TPRG1: variants seen among roughly 807,000 people sequenced by gnomAD.
TPRG1 encodes tumor protein p63-regulated gene 1 protein.
In TPRG1, 29 loss-of-function variants were observed where a neutral mutation model predicts 29.3. The ratio of observed to expected loss-of-function variants is 0.99; its 90% CI spans 0.74 to 1.35. The LOEUF is 1.35. Ranked by LOEUF, TPRG1 falls within the 40% of genes most tolerant of loss-of-function variation. The probability of loss-of-function intolerance (pLI) is 0.00; values close to 1 mark genes in which losing one functional copy is unlikely to be tolerated. For synonymous variants in TPRG1, 130 were observed against 116.8 expected (o/e 1.11, Z -0.73); for missense variants, 327 against 335.0 (o/e 0.98, Z 0.19).
chr3:189,201,736 G>T lies in TPRG1; in HGVS notation c.-9-5640G>T, dbSNP rs561189120. On this transcript the variant is annotated intron_variant, in intron 1 of 5. Coordinates refer to ENST00000345063, the MANE Select transcript of TPRG1 (RefSeq NM_198485.4). ...GTGATCTCAGCTCACTGCAACCTCC[G>T]CCTCCCAGGTTCAAGCAATTCTCCT... 2.6e-5 allele frequency among the ~76,000 whole-genome samples: 4 copies of T among 151,852 alleles called. No individual in the cohort carries two copies. In the East Asian group the frequency reaches 7.7e-4, roughly 29 times the overall value.
chr3:189,181,413 G>T (rs1286556578), intron 1 of TPRG1, among the ~76,000 whole-genome samples: 1 of 152,162 alleles, frequency 6.6e-6, no homozygotes, highest in East Asian at 1.9e-4. Flanking sequence ...CAGCACCCAA[G>T]TCACCTCTTG....
chr3:189,286,461 C>T lies in TPRG1; in HGVS notation c.480-23925C>T, dbSNP rs1180606222. Among the ~76,000 whole-genome samples the T allele has an allele frequency of 4.6e-5, 7 of 152,198 alleles. No homozygotes were observed. The South Asian group carries it at 1.2e-3, about 27-fold the overall frequency. ...ATGCCAATCCAGAGTAGGAGCTCAA[C>T]AAATAGTTGTTGAAGGCAATTAAGT... On this transcript the variant is annotated intron_variant, in intron 4 of 5. Transcript: ENST00000345063.
intron 4 of TPRG1, among the ~76,000 whole-genome samples, chr3:189,247,121 TC>T (rs1450539132): frequency 3.3e-4 from 50 of 152,208 alleles, no homozygotes; most frequent in African/African-American, 1.1e-3. Flanking sequence ...TCTGATACTG[TC>T]CCACAAGTCT....
chr3:189,282,115 A>C (rs1717242744), intron 4 of TPRG1, among the ~76,000 whole-genome samples: 1 of 148,758 alleles, frequency 6.7e-6, no homozygotes, highest in Non-Finnish European at 1.5e-5. Context: ...TCATGAGCTC[A>C]GGCAATCCGC....
intron 3 of TPRG1, among the ~76,000 whole-genome samples, chr3:189,221,989 C>T (rs981944023): frequency 7.9e-5 from 12 of 151,956 alleles, no homozygotes; most frequent in African/African-American, 2.9e-4. Context: ...TTTTCATCTC[C>T]CAATACAGTG....
At chr3:189,039,968 C>T (rs2090308485) in intron 4 of TPRG1, among the ~76,000 whole-genome samples, 1 of 151,952 alleles carries the variant, frequency 6.6e-6, no homozygotes, top group African/African-American at 2.4e-5. Context: ...TATATGTAAA[C>T]CTCAAGAATC....
intron 4 of TPRG1, among the ~76,000 whole-genome samples, chr3:189,308,710 C>T (rs1721998332): frequency 6.6e-6 from 1 of 152,184 alleles, no homozygotes; most frequent in Non-Finnish European, 1.5e-5. Flanking sequence ...ATAATGTGTA[C>T]TTATTAGGCA....
At chr3:189,137,036 T>C (rs1723835521) in intron 3 of TPRG1, among the ~76,000 whole-genome samples, 1 of 152,160 alleles carries the variant, frequency 6.6e-6, no homozygotes, top group African/African-American at 2.4e-5. Context: ...ATATTTTTCT[T>C]ATTTTAGAGA....
At chr3:189,073,325 T>C (rs891394081) in intron 4 of TPRG1, among the ~76,000 whole-genome samples, 1 of 152,232 alleles carries the variant, frequency 6.6e-6, no homozygotes, top group Non-Finnish European at 1.5e-5. Flanking sequence ...ATTTGCTCTT[T>C]TGTTCGGTCC....
intron 4 of TPRG1, among the ~76,000 whole-genome samples, chr3:189,064,401 A>T (rs1350251959): frequency 6.6e-6 from 1 of 152,170 alleles, no homozygotes; most frequent in Non-Finnish European, 1.5e-5. Context: ...GCAACTCAGG[A>T]CAACTGGGTT....
chr3:189,163,125 T>G (rs894322334), intron 5 of TPRG1, among the ~76,000 whole-genome samples: 1 of 151,964 alleles, frequency 6.6e-6, no homozygotes, highest in African/African-American at 2.4e-5. Context: ...TACAAAAAAT[T>G]AGCTGGGCAC....
intron 1 of TPRG1, among the ~76,000 whole-genome samples, chr3:189,117,226 A>G (rs1025170468): frequency 5.9e-5 from 9 of 152,206 alleles, no homozygotes; most frequent in Non-Finnish European, 1.0e-4. Flanking sequence ...GTAAGCATAT[A>G]TAAGGTGGCA....
At chr3:189,186,811 G>T (rs1382769534) in intron 1 of TPRG1, among the ~76,000 whole-genome samples, 2 of 151,728 alleles carry the variant, frequency 1.3e-5, no homozygotes, top group Non-Finnish European at 2.9e-5. Flanking sequence ...ACTTGAACCT[G>T]GATTTCCTGA....
At chr3:189,144,360 G>C (rs1724967767) in intron 3 of TPRG1, among the ~76,000 whole-genome samples, 1 of 152,124 alleles carries the variant, frequency 6.6e-6, no homozygotes, top group African/African-American at 2.4e-5. Context: ...TGTGGGTTTA[G>C]GAATATTTAG....
chr3:189,027,634 T>C (rs905422902), intron 4 of TPRG1, among the ~76,000 whole-genome samples: 2 of 152,144 alleles, frequency 1.3e-5, no homozygotes, highest in Non-Finnish European at 2.9e-5. Context: ...ATGTATCCAA[T>C]GCTGTATTCC....
intron 4 of TPRG1, among the ~76,000 whole-genome samples, chr3:189,261,570 T>C (rs1167556452): frequency 6.6e-6 from 1 of 152,194 alleles, no homozygotes; most frequent in African/African-American, 2.4e-5. Flanking sequence ...GTGGCAGCCA[T>C]TGTGTACGAC....
chr3:189,185,306 C>T (rs1730769170), intron 1 of TPRG1, among the ~76,000 whole-genome samples: 1 of 152,096 alleles, frequency 6.6e-6, no homozygotes, highest in South Asian at 2.1e-4. Context: ...TCACTGCAGC[C>T]TTAACCTCCC....
chr3:189,026,692 T>A (rs1224987392), intron 4 of TPRG1, among the ~76,000 whole-genome samples: 1 of 152,016 alleles, frequency 6.6e-6, no homozygotes, highest in African/African-American at 2.4e-5. Flanking sequence ...AGTTGTAGAG[T>A]CTTGGAAAAG....
chr3:189,116,406 T>C (rs1380847942), intron 1 of TPRG1, among the ~76,000 whole-genome samples: 1 of 152,154 alleles, frequency 6.6e-6, no homozygotes, highest in African/African-American at 2.4e-5. Flanking sequence ...GTTGAACTCC[T>C]GACCTCGTGA....
Sources: allele counts gnomAD v4.1 joint callset (sites outside exome capture counted in the v4.1 genomes callset), GRCh38; gene constraint gnomAD v4.1.1; transcripts MANE v1.5; gene names NCBI Gene and HGNC (gene_info 2026-07-23, HGNC 2026-07-21).